Variants in FSTL5 observed in about 807,000 individuals in gnomAD.
FSTL5 encodes follistatin like 5, also known as follistatin-related protein 5.
Under a neutral mutation model 89.1 loss-of-function variants are expected in FSTL5, and 62 were observed. The observed-to-expected ratio is 0.70, with a 90% CI of 0.57 to 0.86. The LOEUF is 0.86. Among genes scored for constraint, FSTL5 ranks in the 40% least tolerant of loss-of-function variants. The pLI, the probability that FSTL5 is intolerant of heterozygous loss-of-function variation, is 0.00. For missense variants in FSTL5, 1,057 were observed against 1,001.6 expected, an observed-to-expected ratio of 1.06 and a Z score of -0.75; for synonymous variants, 383 against 346.2, an observed-to-expected ratio of 1.11 and a Z score of -1.18.
At position 161,568,476 on chromosome 4, in the gene FSTL5, G is replaced by A. The variant is rs141435243; in HGVS notation, c.1015+18979C>T. On this transcript the variant is annotated intron_variant, in intron 8 of 15. Transcript: ENST00000306100. ...TTAGCTTTTATATGCTGCAGCCTCCGCAGGTGGCTTTGGGTCTTAAGCTTT... is the reference window on the plus strand; with the variant it reads ...TTAGCTTTTATATGCTGCAGCCTCCACAGGTGGCTTTGGGTCTTAAGCTTT... Among the ~76,000 whole-genome samples, 529 of 152,200 alleles carry A rather than the reference G, an allele frequency of 3.5e-3. 4 individuals are homozygous for A. The highest frequency in any genetic ancestry group is 0.012 in the African/African-American group (478 of 41,534).
chr4:161,999,639 T>A (rs1224124388), intron 3 of FSTL5, among the ~76,000 whole-genome samples: 1 of 152,218 alleles, frequency 6.6e-6, no homozygotes, highest in Non-Finnish European at 1.5e-5. Flanking sequence ...ATGTAAATGA[T>A]CATTTAAATA....
intron 13 of FSTL5, among the ~76,000 whole-genome samples, chr4:161,472,268 C>T (rs1056791791): frequency 2.6e-4 from 39 of 152,274 alleles, no homozygotes; most frequent in African/African-American, 8.2e-4. Flanking sequence ...TGAGCCACCG[C>T]ACCTGGCCAT....
At chr4:161,787,758 A>G (rs1323052380) in intron 4 of FSTL5, among the ~76,000 whole-genome samples, 1 of 152,192 alleles carries the variant, frequency 6.6e-6, no homozygotes, top group African/African-American at 2.4e-5. Context: ...GGTTATGTTA[A>G]TAACAGTAGC....
At chr4:161,629,326 T>A (rs546136177) in intron 7 of FSTL5, among the ~76,000 whole-genome samples, 1 of 152,056 alleles carries the variant, frequency 6.6e-6, no homozygotes, top group Non-Finnish European at 1.5e-5. Flanking sequence ...TGAAAATCAA[T>A]GAAGTTATAG....
chr4:162,029,246 T>C (rs767484931), intron 3 of FSTL5, among the ~76,000 whole-genome samples: 20 of 152,018 alleles, frequency 1.3e-4, no homozygotes, highest in Non-Finnish European at 2.9e-4. Context: ...ATACACACTT[T>C]TAATTTGATT....
At chr4:162,063,138 G>T (rs1321453914) in intron 2 of FSTL5, among the ~76,000 whole-genome samples, 1 of 151,534 alleles carries the variant, frequency 6.6e-6, no homozygotes, top group South Asian at 2.1e-4. Context: ...TCTGGGTTTA[G>T]CCTTTTAATT....
rs765949688 is a variant in FSTL5 at position 161,924,946 on chromosome 4, G to T, written c.161-4294C>A. 8.0e-4 allele frequency among the ~76,000 whole-genome samples: 122 copies of T among 151,858 alleles called. 1 individual carries two copies. The highest frequency in any genetic ancestry group is 1.7e-3 in the Admixed American group (26 of 15,190). On this transcript the variant is annotated intron_variant, in intron 3 of 15. Transcript: ENST00000306100. The stretch of plus-strand genomic sequence containing the variant: ...TGTAAGTATTATGTTCACAATTATT[G>T]GTTAAAAAGAACAACAGATTTTGGT...
In FSTL5 at chr4:162,084,236, G is replaced by C. The variant is rs982847888; in HGVS notation, c.126+27035C>G. 2.0e-5 allele frequency among the ~76,000 whole-genome samples: 3 copies of C among 151,938 alleles called. No homozygotes were observed. The South Asian group carries it at 6.2e-4, about 31-fold the overall frequency. On this transcript the variant is annotated intron_variant, in intron 2 of 15. Transcript: ENST00000306100. ...TATAAACACAAAATAATCCTGATTG[G>C]TCAACGTCTATACAATACTTATTGT... is the stretch of plus-strand genomic sequence containing the variant.
At chr4:161,532,904 A>C (rs1467326738) in intron 10 of FSTL5, among the ~76,000 whole-genome samples, 1 of 152,200 alleles carries the variant, frequency 6.6e-6, no homozygotes, top group Non-Finnish European at 1.5e-5. Flanking sequence ...CAAAGAAAAT[A>C]GAAATCAATA....
chr4:162,104,306 A>G (rs190400912), intron 2 of FSTL5, among the ~76,000 whole-genome samples: 123 of 152,290 alleles, frequency 8.1e-4, no homozygotes, highest in African/African-American at 2.3e-3. Flanking sequence ...CAACAGAGCT[A>G]TAACACTCAC....
intron 5 of FSTL5, among the ~76,000 whole-genome samples, chr4:161,775,181 C>T (rs931740909): frequency 2.0e-5 from 3 of 152,060 alleles, no homozygotes; most frequent in Non-Finnish European, 4.4e-5. Context: ...CACCCCAAAC[C>T]TATATTCACT....
intron 4 of FSTL5, among the ~76,000 whole-genome samples, chr4:161,832,492 T>G (rs555509656): frequency 2.3e-4 from 35 of 152,316 alleles, no homozygotes; most frequent in African/African-American, 8.2e-4. Flanking sequence ...AGAATTCGGC[T>G]GTGAATCCAT....
chr4:161,650,636 G>A (rs945227710), intron 7 of FSTL5, among the ~76,000 whole-genome samples: 8 of 151,910 alleles, frequency 5.3e-5, no homozygotes, highest in Non-Finnish European at 1.0e-4. Flanking sequence ...TTGAAAACAT[G>A]GTATACCACT....
intron 2 of FSTL5, among the ~76,000 whole-genome samples, chr4:162,056,354 G>C (rs1048772152): frequency 6.6e-6 from 1 of 151,964 alleles, no homozygotes; most frequent in Non-Finnish European, 1.5e-5. Context: ...CCCATTTCTA[G>C]AGTAATTTGT....
At chr4:161,620,471 A>G (rs1243833847) in intron 7 of FSTL5, among the ~76,000 whole-genome samples, 1 of 152,170 alleles carries the variant, frequency 6.6e-6, no homozygotes, top group Non-Finnish European at 1.5e-5. Flanking sequence ...CCTGACCACT[A>G]TGGAGAAACC....
At chr4:161,833,945 G>T (rs192325780) in intron 4 of FSTL5, among the ~76,000 whole-genome samples, 1,638 of 152,144 alleles carry the variant, frequency 0.011, 15 homozygotes, top group Non-Finnish European at 0.018. Context: ...TGGTTATTTT[G>T]CTCGTTAGTT....
Position 161,385,537 on chromosome 4 carries a change from A to T in FSTL5, c.*210T>A. On this transcript the variant is annotated 3_prime_UTR_variant, in exon 16 of 16. Transcript: ENST00000306100. ...TTGTGACTGATGTGATTTCTCATTA[A>T]ATATTGTGCTGAGTATTTCTAATTA... 2.1e-6 allele frequency: 1 copy of T among 465,280 alleles called. No homozygotes were observed. Among genetic ancestry groups the T allele is most frequent in the Non-Finnish European group, 3.8e-6 (1 of 265,728 alleles). 28.8% of individuals were successfully genotyped at this position (465,280 alleles called of 1,614,324 possible).
At chr4:161,666,373 A>C (rs539738730) in intron 6 of FSTL5, among the ~76,000 whole-genome samples, 1 of 152,210 alleles carries the variant, frequency 6.6e-6, no homozygotes, top group South Asian at 2.1e-4. Flanking sequence ...TTGAATTTAA[A>C]AGTCTAATGA....
intron 4 of FSTL5, among the ~76,000 whole-genome samples, chr4:161,915,894 C>A (rs1733824715): frequency 6.6e-6 from 1 of 151,918 alleles, no homozygotes; most frequent in African/African-American, 2.4e-5. Flanking sequence ...AGAAGCTTTA[C>A]AAAGGTGCCC....
Sources: gnomAD v4.1 joint callset for allele counts (sites outside exome capture counted in the v4.1 genomes callset) on GRCh38, gnomAD v4.1.1 for gene constraint, MANE v1.5 for transcripts, NCBI Gene and HGNC (gene_info 2026-07-23, HGNC 2026-07-21) for gene names.